Variants in THADA observed in about 807,000 individuals in gnomAD.
The protein encoded by THADA is tRNA (32-2'-O)-methyltransferase regulator THADA.
In THADA, 213 loss-of-function variants were observed where a neutral mutation model predicts 219.8. The observed-to-expected ratio is 0.97, with a 90% CI of 0.87 to 1.09. The LOEUF (loss-of-function observed/expected upper bound fraction) is 1.09, where lower values mean the gene tolerates loss of function less well. THADA is among the 50% of genes least tolerant of loss of function. The pLI, the probability that THADA is intolerant of heterozygous loss-of-function variation, is 0.00. For synonymous variants in THADA, 1,018 were observed against 828.9 expected, an observed-to-expected ratio of 1.23 and a Z score of -3.92; for missense variants, 2,956 against 2,311.3, an observed-to-expected ratio of 1.28 and a Z score of -5.72.
Position 43,595,966 on chromosome 2 carries a change from G to T in THADA, c.-60C>A, listed in dbSNP as rs1289362176. On this transcript the variant is annotated 5_prime_UTR_variant, in exon 1 of 38. Transcript: ENST00000405975. ...TCGGCGTCTGAGAAGAGTCGCAGGC[G>T]CCTGGTCCAGTCCCGGAAGCAGGTC... 6.6e-6 allele frequency: 1 copy of T among 152,350 alleles called. No homozygotes were observed. The highest frequency in any genetic ancestry group is 1.5e-5 in the Non-Finnish European group (1 of 68,072). The allele number at this position is 152,350 out of a possible 1,614,324, so 9.4% of individuals were successfully genotyped here.
chr2:43,549,124 C>G lies in THADA; in HGVS notation c.3106+86G>C. On this transcript the variant is annotated intron_variant, in intron 20 of 37. Coordinates refer to ENST00000405975, the MANE Select transcript of THADA (RefSeq NM_022065.5). ...GAAATGTTCTGCACAGATTTGCAAC[C>G]TCTAATTTACCATATAAAAAGGGCA... The G allele has an allele frequency of 4.2e-6, 5 of 1,199,660 alleles. No individual in the cohort carries two copies. In the South Asian group the frequency reaches 5.3e-5, roughly 13 times the overall value. The allele number at this position is 1,199,660 out of a possible 1,614,324, so 74.3% of individuals were successfully genotyped here.
intron 4 of THADA, among the ~76,000 whole-genome samples, chr2:43,588,229 T>A (rs1311521832): frequency 9.4e-5 from 14 of 149,274 alleles, no homozygotes; most frequent in Non-Finnish European, 1.8e-4. Flanking sequence ...AAAAGAAAAC[T>A]AAATTGAATC....
chr2:43,234,790 C>A (rs1421708507), intron 36 of THADA, among the ~76,000 whole-genome samples: 4 of 151,552 alleles, frequency 2.6e-5, no homozygotes, highest in Non-Finnish European at 5.9e-5. Context: ...GTAGCTGGGA[C>A]TATAGGCATG....
At chr2:43,240,000 G>A (rs1287841165) in intron 36 of THADA, among the ~76,000 whole-genome samples, 1 of 152,258 alleles carries the variant, frequency 6.6e-6, no homozygotes, top group Non-Finnish European at 1.5e-5. Context: ...GTTGCCAGAG[G>A]CAAGCTGACC....
chr2:43,262,237 G>A (rs1278690142), intron 36 of THADA, among the ~76,000 whole-genome samples: 1 of 152,214 alleles, frequency 6.6e-6, no homozygotes, highest in Non-Finnish European at 1.5e-5. Context: ...CCAATGAGAG[G>A]TAAAGAGAAG....
intron 26 of THADA, among the ~76,000 whole-genome samples, chr2:43,440,316 T>C (rs978161025): frequency 6.6e-6 from 1 of 152,230 alleles, no homozygotes; most frequent in African/African-American, 2.4e-5. Context: ...TATTGCATGA[T>C]TGACTGTAAT....
chr2:43,560,211 T>G (rs1697886487), intron 16 of THADA, 23 bp downstream of exon 16: 1 of 1,600,274 alleles, frequency 6.2e-7, no homozygotes, highest in Non-Finnish European at 8.5e-7. Context: ...TATACCACAT[T>G]TATACTAGAA....
At chr2:43,428,722 T>C (rs1324987135) in intron 27 of THADA, among the ~76,000 whole-genome samples, 2 of 152,146 alleles carry the variant, frequency 1.3e-5, no homozygotes, top group Non-Finnish European at 2.9e-5. Context: ...AAGAAAAAAC[T>C]ACTAGCAAAA....
chr2:43,571,731 T>C lies in THADA; in HGVS notation c.2040A>G (p.Gln680=), dbSNP rs754790550. ...NLNSQSPGVR[Q]QICSLLKKLF... ...CCTTTTTAAGAAGAGAACAGATCTGTTGCCGCACTCCTGGAGACTGGCTGT... is the reference window on the plus strand; with the variant it reads ...CCTTTTTAAGAAGAGAACAGATCTGCTGCCGCACTCCTGGAGACTGGCTGT... Residue 680 remains glutamine, a synonymous_variant, in exon 13 of 38, where the codon CAA becomes CAG. Coordinates refer to ENST00000405975, the MANE Select transcript of THADA (RefSeq NM_022065.5). The C allele has an allele frequency of 4.3e-6, 7 of 1,613,858 alleles. No homozygotes were observed. Among genetic ancestry groups the C allele is most frequent in the Middle Eastern group, 1.7e-4 (1 of 6,060 alleles).
chr2:43,312,010 G>A (rs1469901151), intron 31 of THADA, among the ~76,000 whole-genome samples: 1 of 152,096 alleles, frequency 6.6e-6, no homozygotes, highest in African/African-American at 2.4e-5. Flanking sequence ...ACCAGCCTAG[G>A]CAACAAAGGG....
At position 43,387,632 on chromosome 2, in the gene THADA, C is replaced by T. The variant is rs180841763; in HGVS notation, c.4227+10339G>A. ...ATAGGTACCATGGAACAAAGGTTCT[C>T]AACTAGGGGCAATTTTGCCCCCGCC... On this transcript the variant is annotated intron_variant, in intron 29 of 37. Transcript: ENST00000405975. Among the ~76,000 whole-genome samples, 12 of 152,184 alleles carry T rather than the reference C, an allele frequency of 7.9e-5. No individual in the cohort carries two copies. In the East Asian group the frequency reaches 2.3e-3, roughly 29 times the overall value.
chr2:43,491,832 T>C (rs1687673952), intron 25 of THADA, among the ~76,000 whole-genome samples: 1 of 152,154 alleles, frequency 6.6e-6, no homozygotes, highest in South Asian at 2.1e-4. Context: ...AATCTATCCT[T>C]CTCACGAGGG....
At position 43,318,790 on chromosome 2, in the gene THADA, G is replaced by T. The variant is rs868807595; in HGVS notation, c.4438+1656C>A. Among the ~76,000 whole-genome samples the T allele has an allele frequency of 2.6e-5, 4 of 152,196 alleles. No homozygotes were observed. In the South Asian group the frequency reaches 8.3e-4, roughly 32 times the overall value. ...AATTAGGGTATAAACTCTAAATAAT[G>T]TTAACAGCTTGGAGAAATGGATGGT... On this transcript the variant is annotated intron_variant, in intron 31 of 37. Coordinates refer to ENST00000405975, the MANE Select transcript of THADA (RefSeq NM_022065.5).
At chr2:43,287,310 T>A (rs968019539) in intron 34 of THADA, among the ~76,000 whole-genome samples, 1 of 152,154 alleles carries the variant, frequency 6.6e-6, no homozygotes, top group African/African-American at 2.4e-5. Flanking sequence ...TTTTTTTTGG[T>A]TTGAGGCAAG....
At chr2:43,287,442 G>T (rs113866579) in intron 34 of THADA, among the ~76,000 whole-genome samples, 10,388 of 152,090 alleles carry the variant, frequency 0.068, 571 homozygotes, top group South Asian at 0.17. Flanking sequence ...GTACAGGTGT[G>T]TGCCACCACA....
In THADA at chr2:43,570,444, C is replaced by T. The variant is rs1479062620; in HGVS notation, c.2131G>A (p.Glu711Lys). 3 of 1,613,446 alleles carry T rather than the reference C, an allele frequency of 1.9e-6. No homozygotes were observed. The highest frequency in any genetic ancestry group is 2.7e-5 in the African/African-American group (2 of 74,894). ...TGTTTGGTTAACTCATTCTCTGGTTCACGTTTGGATTTACTCTGCTCCAAT... is the reference window on the plus strand; with the variant it reads ...TGTTTGGTTAACTCATTCTCTGGTTTACGTTTGGATTTACTCTGCTCCAAT... ...YKLEQSKSKR[E>K]PENELTKQHP... The change falls in exon 14 of 38, where the codon GAA (glutamate) becomes AAA (lysine). Residue 711 changes from glutamate (E) to lysine (K), a missense_variant. Glu to Lys is a moderately conservative substitution (Grantham distance 56, BLOSUM62 1). Coordinates refer to ENST00000405975, the MANE Select transcript of THADA (RefSeq NM_022065.5).
intron 29 of THADA, among the ~76,000 whole-genome samples, chr2:43,380,286 G>C (rs547911414): frequency 1.3e-5 from 2 of 152,298 alleles, no homozygotes; most frequent in African/African-American, 4.8e-5. Flanking sequence ...GAAACCGTAA[G>C]ACTAAAGACA....
At chr2:43,508,889 G>A (rs1199793323) in intron 22 of THADA, 109 bp from the exon 23 acceptor site, 10 of 1,100,860 alleles carry the variant, frequency 9.1e-6, no homozygotes, top group African/African-American at 1.6e-5. Context: ...CTTATATTGA[G>A]TGGGGGTGAA....
chr2:43,450,872 T>C (rs1682227375), intron 26 of THADA, among the ~76,000 whole-genome samples: 1 of 152,190 alleles, frequency 6.6e-6, no homozygotes, highest in Non-Finnish European at 1.5e-5. Context: ...TATGATTTCC[T>C]TTCTATGAGG....
Sources: gnomAD v4.1 joint callset for allele counts (sites outside exome capture counted in the v4.1 genomes callset) on GRCh38, gnomAD v4.1.1 for gene constraint, MANE v1.5 for transcripts, NCBI Gene and HGNC (gene_info 2026-07-23, HGNC 2026-07-21) for gene names.